MCUB: variants seen among roughly 807,000 people sequenced by gnomAD.
MCUB encodes the protein calcium uniporter regulatory subunit MCUb, mitochondrial.
Under a neutral mutation model 41.4 loss-of-function variants are expected in MCUB, and 46 were observed. The ratio of observed to expected loss-of-function variants is 1.11; its 90% CI spans 0.88 to 1.42. The LOEUF is 1.42. Among genes scored for constraint, MCUB ranks in the 40% most tolerant of loss-of-function variants. MCUB has a pLI of 0.00. For missense variants in MCUB, 403 were observed against 404.9 expected (o/e 1.00, Z 0.04); for synonymous variants, 148 against 148.2 (o/e 1.00, Z 0.01).
At chr4:109,590,608 A>G (rs1222610272) in intron 1 of MCUB, among the ~76,000 whole-genome samples, 2 of 152,214 alleles carry the variant, frequency 1.3e-5, no homozygotes, top group Admixed American at 1.3e-4. Context: ...CTTAAAAGCA[A>G]TCACTTACTA....
chr4:109,685,358 C>T lies in MCUB; in HGVS notation c.924C>T (p.Asp308=), dbSNP rs750462129. The T allele has an allele frequency of 6.2e-6, 9 of 1,451,416 alleles. No homozygotes were observed. Among genetic ancestry groups the T allele is most frequent in the South Asian group, 1.1e-5 (1 of 87,568 alleles). 89.9% of individuals were successfully genotyped at this position (1,451,416 alleles called of 1,614,324 possible). A position where few individuals can be genotyped will look rare whatever the true frequency, so the allele number is the denominator to read the frequency against. The change falls in exon 7 of 8, where the codon GAC becomes GAT. Residue 308 remains aspartate, a synonymous_variant. Transcript: ENST00000394650. ...DVQQYNKLKE[D]LAKAKESLKQ... The stretch of plus-strand genomic sequence containing the variant: ...AGCAATACAACAAGTTAAAAGAAGA[C>T]CTTGCTAAGGTATACTACAAATACA...
At chr4:109,612,257 CCTTTT>C (rs1728024997) in intron 1 of MCUB, among the ~76,000 whole-genome samples, 1 of 134,556 alleles carries the variant, frequency 7.4e-6, no homozygotes, top group East Asian at 2.1e-4. Context: ...TCCTCCTCCT[CCTTTT>C]CTTTTTTTTT....
chr4:109,604,733 G>T (rs1727832580), intron 1 of MCUB, among the ~76,000 whole-genome samples: 1 of 152,152 alleles, frequency 6.6e-6, no homozygotes, highest in African/African-American at 2.4e-5. Context: ...AAAGGATGTT[G>T]AATTTTATCA....
At chr4:109,645,747 C>T (rs1387377435) in intron 1 of MCUB, among the ~76,000 whole-genome samples, 1 of 152,158 alleles carries the variant, frequency 6.6e-6, no homozygotes, top group Non-Finnish European at 1.5e-5. Context: ...CTCTCATCTT[C>T]CCACCATAAA....
intron 1 of MCUB, among the ~76,000 whole-genome samples, chr4:109,580,522 C>G (rs1727145847): frequency 6.6e-6 from 1 of 152,186 alleles, no homozygotes; most frequent in Non-Finnish European, 1.5e-5. Flanking sequence ...CCTATTTCTC[C>G]ACATCCTTTC....
intron 1 of MCUB, among the ~76,000 whole-genome samples, chr4:109,573,191 G>A (rs778843727): frequency 6.6e-6 from 1 of 152,058 alleles, no homozygotes; most frequent in Non-Finnish European, 1.5e-5. Flanking sequence ...GGTGGCTCAC[G>A]CCTGTAATCC....
At chr4:109,574,355 G>C (rs1561213382) in intron 1 of MCUB, among the ~76,000 whole-genome samples, 1 of 152,170 alleles carries the variant, frequency 6.6e-6, no homozygotes, top group African/African-American at 2.4e-5. Flanking sequence ...CATTCTGGCT[G>C]TTCCCTAATA....
chr4:109,626,738 A>C (rs558235649), intron 1 of MCUB, among the ~76,000 whole-genome samples: 1 of 133,474 alleles, frequency 7.5e-6, no homozygotes, highest in African/African-American at 2.9e-5. Flanking sequence ...AGTTGAACCC[A>C]GGAGGCGGAG....
At chr4:109,639,336 T>C (rs1728666085) in intron 1 of MCUB, among the ~76,000 whole-genome samples, 1 of 150,184 alleles carries the variant, frequency 6.7e-6, no homozygotes, top group African/African-American at 2.5e-5. Context: ...AGCAGTAATA[T>C]TTTGAAAGGA....
At chr4:109,654,313 C>T (rs532857038) in intron 1 of MCUB, among the ~76,000 whole-genome samples, 4 of 152,128 alleles carry the variant, frequency 2.6e-5, no homozygotes, top group African/African-American at 9.6e-5. Flanking sequence ...TATAGTGATA[C>T]TTAAGATCAT....
At chr4:109,627,385 A>G in intron 1 of MCUB, among the ~76,000 whole-genome samples, 1 of 152,216 alleles carries the variant, frequency 6.6e-6, no homozygotes, top group East Asian at 1.9e-4. Flanking sequence ...GGGAATTGAA[A>G]GAGTCTAGGT....
At chr4:109,637,456 A>G (rs990237711) in intron 1 of MCUB, among the ~76,000 whole-genome samples, 8 of 152,386 alleles carry the variant, frequency 5.2e-5, no homozygotes, top group South Asian at 4.1e-4. Context: ...ACCCTTGTTT[A>G]TTGCAGCACA....
chr4:109,661,629 G>A (rs905057802), intron 3 of MCUB, among the ~76,000 whole-genome samples: 2 of 152,082 alleles, frequency 1.3e-5, no homozygotes, highest in East Asian at 1.9e-4. Context: ...TAAGTGTTAC[G>A]AAGAAAAATA....
chr4:109,578,445 G>A (rs1352310922), intron 1 of MCUB, among the ~76,000 whole-genome samples: 2 of 152,008 alleles, frequency 1.3e-5, no homozygotes, highest in African/African-American at 4.8e-5. Flanking sequence ...ACAGTTAGTA[G>A]GTAGTCGAGC....
chr4:109,680,133 G>C (rs1729683401), intron 4 of MCUB, among the ~76,000 whole-genome samples: 1 of 152,114 alleles, frequency 6.6e-6, no homozygotes, highest in Admixed American at 6.5e-5. Context: ...ACCCAGACCT[G>C]TCTTCTCAAG....
chr4:109,662,842 ACT>A (rs1232997673), intron 3 of MCUB, among the ~76,000 whole-genome samples: 4 of 151,764 alleles, frequency 2.6e-5, no homozygotes, highest in Admixed American at 2.0e-4. Context: ...TTTTTAAAAG[ACT>A]CTGTGGGTGG....
In MCUB at chr4:109,687,512, C is replaced by T; in HGVS notation, c.934-3C>T. 6.2e-7 allele frequency: 1 copy of T among 1,603,832 alleles called. No homozygotes were observed. The highest frequency in any genetic ancestry group is 8.5e-7 in the Non-Finnish European group (1 of 1,171,932). On this transcript the variant is annotated splice_polypyrimidine_tract_variant and splice_region_variant and intron_variant, in intron 7 of 7. Transcript: ENST00000394650. ...CACATGCTTTTTCTTTTTCCCATGA[C>T]AGGCTAAAGAATCCCTGAAACAGGC...
chr4:109,687,659 A>G lies in MCUB; in HGVS notation c.*67A>G, dbSNP rs528082551. 1 of 918,810 alleles carries G rather than the reference A, an allele frequency of 1.1e-6. No homozygotes were observed. The highest frequency in any genetic ancestry group is 1.8e-6 in the Non-Finnish European group (1 of 562,576). The allele number at this position is 918,810 out of a possible 1,614,324, so 56.9% of individuals were successfully genotyped here. ...GATTTTGCAACTTAGGATGTTTTTGAGTCCCATGGTTCATTTTGATTGTTT... is the reference window on the plus strand; with the variant it reads ...GATTTTGCAACTTAGGATGTTTTTGGGTCCCATGGTTCATTTTGATTGTTT... On this transcript the variant is annotated 3_prime_UTR_variant, in exon 8 of 8. Coordinates refer to ENST00000394650, the MANE Select transcript of MCUB (RefSeq NM_017918.5).
At chr4:109,608,912 C>A (rs1423539467) in intron 1 of MCUB, among the ~76,000 whole-genome samples, 1 of 152,190 alleles carries the variant, frequency 6.6e-6, no homozygotes, top group Non-Finnish European at 1.5e-5. Context: ...TAAGCAATAT[C>A]TGCATTAGGG....
Sources: allele counts gnomAD v4.1 joint callset (sites outside exome capture counted in the v4.1 genomes callset), GRCh38; gene constraint gnomAD v4.1.1; transcripts MANE v1.5; gene names NCBI Gene and HGNC (gene_info 2026-07-23, HGNC 2026-07-21).